Variants in DCTN2 observed in about 807,000 individuals in gnomAD.
DCTN2 encodes the protein 50 kDa dynein-associated polypeptide.
In DCTN2, 18 loss-of-function variants were observed where a neutral mutation model predicts 55.4. The observed-to-expected ratio is 0.32, with a 90% CI of 0.22 to 0.48. The LOEUF (loss-of-function observed/expected upper bound fraction) is 0.48, where lower values mean the gene tolerates loss of function less well. Among genes scored for constraint, DCTN2 ranks in the 20% least tolerant of loss-of-function variants. The pLI, the probability that DCTN2 is intolerant of heterozygous loss-of-function variation, is 0.99. For synonymous variants in DCTN2, 168 were observed against 185.2 expected (o/e 0.91, Z 0.76); for missense variants, 390 against 491.0 (o/e 0.79, Z 1.94).
Position 57,547,165 on chromosome 12 carries a change from C to T in DCTN2, c.-102G>A. On this transcript the variant is annotated 5_prime_UTR_variant, in exon 1 of 14. Coordinates refer to ENST00000548249, the MANE Select transcript of DCTN2 (RefSeq NM_001261413.2). ...TTCGGGTCCCGGGCTAAGGCGGCGG[C>T]AAAGGGAGCGGCAGATGAGCAGGAA... 2 of 988,472 alleles carry T rather than the reference C, an allele frequency of 2.0e-6. No individual in the cohort carries two copies. Among genetic ancestry groups the T allele is most frequent in the Non-Finnish European group, 2.6e-6 (2 of 755,622 alleles). The allele number at this position is 988,472 out of a possible 1,614,324, so 61.2% of individuals were successfully genotyped here. A position where few individuals can be genotyped will look rare whatever the true frequency, so the allele number is the denominator to read the frequency against.
In DCTN2 at chr12:57,547,133, G is replaced by C. The variant is rs530273058; in HGVS notation, c.-70C>G. On this transcript the variant is annotated 5_prime_UTR_variant, in exon 1 of 14. Coordinates refer to ENST00000548249, the MANE Select transcript of DCTN2 (RefSeq NM_001261413.2). Reference sequence around the variant, plus strand: ...GGGGCCGGTGTTCGGGTAGGGGAGAGGCTGGGTTCGGGTCCCGGGCTAAGG... The same window carrying C: ...GGGGCCGGTGTTCGGGTAGGGGAGACGCTGGGTTCGGGTCCCGGGCTAAGG... 2 of 1,220,602 alleles carry C rather than the reference G, an allele frequency of 1.6e-6. No individual in the cohort carries two copies. Among genetic ancestry groups the C allele is most frequent in the Admixed American group, 8.4e-5 (2 of 23,746 alleles). 75.6% of individuals were successfully genotyped at this position (1,220,602 alleles called of 1,614,324 possible).
rs879113972 is a variant in DCTN2 at position 57,533,873 on chromosome 12, C to G, written c.669+80G>C. 7 of 1,455,508 alleles carry G rather than the reference C, an allele frequency of 4.8e-6. No individual in the cohort carries two copies. The Admixed American group carries it at 1.7e-4, about 34-fold the overall frequency. 90.2% of individuals were successfully genotyped at this position (1,455,508 alleles called of 1,614,324 possible). On this transcript the variant is annotated intron_variant, in intron 7 of 13. Coordinates refer to ENST00000548249, the MANE Select transcript of DCTN2 (RefSeq NM_001261413.2). ...AGGAATCAGAAGCCTTCCCAGCACCCTCTCCTTGGAGAGAGGCAGGAAAAT... is the reference window on the plus strand; with the variant it reads ...AGGAATCAGAAGCCTTCCCAGCACCGTCTCCTTGGAGAGAGGCAGGAAAAT...
Position 57,532,800 on chromosome 12 carries a change from T to C in DCTN2, c.785A>G (p.Glu262Gly). ...LQGACLMETVELLQAKVSALD... is the reference protein window; with the variant it reads ...LQGACLMETVGLLQAKVSALD... ...GGCGCTCACCTTTGCTTGCAACAGC[T>C]CTACAGTCTCCTGGGGATGGAAGTT... The change falls in exon 10 of 14, where the codon GAG becomes GGG. Residue 262 changes from glutamate (E) to glycine (G), a missense_variant. Physicochemically the swap from Glu to Gly is moderately conservative, Grantham distance 98. Coordinates refer to ENST00000548249, the MANE Select transcript of DCTN2 (RefSeq NM_001261413.2). 1 of 1,613,974 alleles carries C rather than the reference T, an allele frequency of 6.2e-7. No homozygotes were observed.
rs1565674395 is a variant in DCTN2, at chr12:57,530,541, A to G, written c.*148T>C. On this transcript the variant is annotated 3_prime_UTR_variant, in exon 14 of 14. Transcript: ENST00000548249. ...ACTCTGTATTCATCAGGGGAGGGGT[A>G]TAAACCCCACATGCAAGAAGAACCC... is the stretch of plus-strand genomic sequence containing the variant. The G allele has an allele frequency of 2.9e-6, 2 of 679,002 alleles. No individual in the cohort carries two copies. Among genetic ancestry groups the G allele is most frequent in the Admixed American group, 5.6e-5 (2 of 35,624 alleles). The allele number at this position is 679,002 out of a possible 1,614,324, so 42.1% of individuals were successfully genotyped here.
chr12:57,530,443 G>T lies in DCTN2; in HGVS notation c.*246C>A, dbSNP rs1159589086. On this transcript the variant is annotated 3_prime_UTR_variant, in exon 14 of 14. Transcript: ENST00000548249. ...CAGTATTGGACATGAGTTGGCATGT[G>T]GCTGGGCCCACGTCCTTATCCCCCA... 6.7e-6 allele frequency: 3 copies of T among 446,626 alleles called. No homozygotes were observed. The highest frequency in any genetic ancestry group is 1.2e-5 in the Non-Finnish European group (3 of 245,614). The allele number at this position is 446,626 out of a possible 1,614,324, so 27.7% of individuals were successfully genotyped here. A position where few individuals can be genotyped will look rare whatever the true frequency, so the allele number is the denominator to read the frequency against.
chr12:57,546,542 T>G (rs989992832), intron 1 of DCTN2, among the ~76,000 whole-genome samples: 1 of 151,652 alleles, frequency 6.6e-6, no homozygotes. Flanking sequence ...CACGCCAGGA[T>G]TGTCATGGGA....
At position 57,533,004 on chromosome 12, in the gene DCTN2, G is replaced by T. The variant is rs1368977875; in HGVS notation, c.754C>A (p.Leu252Ile). ...CTCACCATGAGACAGGCTCCCTGTAGACCTGCAGAAAGGGGATTCTGGTGG... is the reference window on the plus strand; with the variant it reads ...CTCACCATGAGACAGGCTCCCTGTATACCTGCAGAAAGGGGATTCTGGTGG... ...QDAQNPLSAG[L>I]QGACLMETVE... Residue 252 changes from leucine to isoleucine, a missense_variant, in exon 9 of 14, where the codon CTA (leucine) becomes ATA (isoleucine). Around this residue, in one of 2 missense-constraint regions of DCTN2, gnomAD observed 273 missense variants for 303.2 expected, o/e 0.90. Transcript: ENST00000548249. 2 of 1,603,896 alleles carry T rather than the reference G, an allele frequency of 1.2e-6. No homozygotes were observed. The highest frequency in any genetic ancestry group is 1.7e-6 in the Non-Finnish European group (2 of 1,175,258).
intron 13 of DCTN2, among the ~76,000 whole-genome samples, chr12:57,531,709 G>A (rs990404669): frequency 6.6e-5 from 10 of 152,148 alleles, no homozygotes; most frequent in African/African-American, 2.4e-4. Flanking sequence ...AAGTTGAGAC[G>A]ACAAAGGGAA....
rs1881244017 is a variant in DCTN2 at position 57,547,120 on chromosome 12, C to T, written c.-57G>A. 8.0e-7 allele frequency: 1 copy of T among 1,243,182 alleles called. No homozygotes were observed. Among genetic ancestry groups the T allele is most frequent in the Non-Finnish European group, 1.0e-6 (1 of 981,938 alleles). 77.0% of individuals were successfully genotyped at this position (1,243,182 alleles called of 1,614,324 possible). On this transcript the variant is annotated 5_prime_UTR_variant, in exon 1 of 14. Transcript: ENST00000548249. The stretch of plus-strand genomic sequence containing the variant: ...CCTCGGTGGAGCCGGGGCCGGTGTT[C>T]GGGTAGGGGAGAGGCTGGGTTCGGG...
At chr12:57,539,392 A>T (rs1880509867) in intron 2 of DCTN2, among the ~76,000 whole-genome samples, 1 of 152,210 alleles carries the variant, frequency 6.6e-6, no homozygotes, top group Non-Finnish European at 1.5e-5. Context: ...TGTGCAGAAC[A>T]TGTTTCTTCA....
In DCTN2 at chr12:57,535,603, C is replaced by A; in HGVS notation, c.203-58G>T. On this transcript the variant is annotated intron_variant, in intron 3 of 13. Transcript: ENST00000548249. ...GATCTAGGCCCAAGGCAGTCATGGT[C>A]TCAGGTGACTGTGAGGGCTTCCATA... is the stretch of plus-strand genomic sequence containing the variant. 1.9e-6 allele frequency: 3 copies of A among 1,585,888 alleles called. No homozygotes were observed. In the South Asian group the frequency reaches 3.3e-5, roughly 18 times the overall value.
chr12:57,535,313 CT>C, intron 4 of DCTN2, 159 bp from the exon 5 acceptor site: 1 of 1,003,530 alleles, frequency 1.0e-6, no homozygotes, highest in Non-Finnish European at 1.5e-6. Flanking sequence ...GGGCTGGAGG[CT>C]CTCCAGAACA....
rs774665454 is a variant in DCTN2, at chr12:57,530,675, G to T, written c.*14C>A. On this transcript the variant is annotated 3_prime_UTR_variant, in exon 14 of 14. Transcript: ENST00000548249. Reference sequence around the variant, plus strand: ...GGGTAGGGATAACCCCTGTTCTCCAGCTCCCAAATGTGCTCACTTTCCCAG... The same window carrying T: ...GGGTAGGGATAACCCCTGTTCTCCATCTCCCAAATGTGCTCACTTTCCCAG... The T allele has an allele frequency of 6.2e-7, 1 of 1,610,570 alleles. No homozygotes were observed. Among genetic ancestry groups the T allele is most frequent in the Non-Finnish European group, 8.5e-7 (1 of 1,177,168 alleles).
chr12:57,538,306 C>G, intron 2 of DCTN2: 1 of 632,972 alleles, frequency 1.6e-6, no homozygotes, highest in Admixed American at 2.1e-5. Context: ...GGAGCACACT[C>G]TAGTCCTCCA....
chr12:57,530,886 G>C, intron 13 of DCTN2, 111 bp from the exon 14 acceptor site: 1 of 920,026 alleles, frequency 1.1e-6, no homozygotes, highest in African/African-American at 1.6e-5. Context: ...CACAATTTGT[G>C]GGCCACAGAG....
chr12:57,539,941 A>G (rs1723834702), intron 2 of DCTN2: 1 of 233,936 alleles, frequency 4.3e-6, no homozygotes, highest in African/African-American at 2.3e-5. Flanking sequence ...CAGGAGAATC[A>G]TTTGAACCCG....
chr12:57,540,526 A>C (rs1372832307), intron 2 of DCTN2, among the ~76,000 whole-genome samples: 1 of 152,098 alleles, frequency 6.6e-6, no homozygotes, highest in African/African-American at 2.4e-5. Context: ...AGTCTCTTTC[A>C]CTAAGGGACT....
chr12:57,545,529 A>T lies in DCTN2; in HGVS notation c.105+499T>A, dbSNP rs527738306. 3.9e-5 allele frequency among the ~76,000 whole-genome samples: 6 copies of T among 152,336 alleles called. No individual in the cohort carries two copies. The East Asian group carries it at 1.2e-3, about 29-fold the overall frequency. On this transcript the variant is annotated intron_variant, in intron 2 of 13. Coordinates refer to ENST00000548249, the MANE Select transcript of DCTN2 (RefSeq NM_001261413.2). ...TGCAACCACAGTCTCACATCCGCTG[A>T]TGTGAAATATTTACATTCTTCCTCA...
chr12:57,535,252 C>T lies in DCTN2; in HGVS notation c.265-98G>A, dbSNP rs545270249. 123 of 1,083,578 alleles carry T rather than the reference C, an allele frequency of 1.1e-4. 2 individuals carry two copies. The South Asian group carries it at 1.7e-3, about 15-fold the overall frequency. The allele number at this position is 1,083,578 out of a possible 1,614,324, so 67.1% of individuals were successfully genotyped here. On this transcript the variant is annotated intron_variant, in intron 4 of 13. Transcript: ENST00000548249. ...GGCCTAAGTCATAAAGGTATCATAT[C>T]CAATTGAGAATCCACAACACCCTAG...
Sources: gnomAD v4.1 joint callset for allele counts (sites outside exome capture counted in the v4.1 genomes callset) on GRCh38, gnomAD v4.1.1 for gene constraint, gnomAD v4.1.1 regional missense constraint, MANE v1.5 for transcripts, NCBI Gene and HGNC (gene_info 2026-07-23, HGNC 2026-07-21) for gene names.